The following NSMF variants were observed in gnomAD, a reference collection of about 807,000 sequenced individuals.
The protein encoded by NSMF is nasal embryonic LHRH factor.
In NSMF, 31 loss-of-function variants were observed where a neutral mutation model predicts 71.0. The ratio of observed to expected loss-of-function variants is 0.44; its 90% CI spans 0.33 to 0.59. NSMF has a LOEUF of 0.59. NSMF is among the 20% of genes least tolerant of loss of function. The pLI is 0.04. For synonymous variants in NSMF, 345 were observed against 287.1 expected (o/e 1.20, Z -2.04); for missense variants, 673 against 740.5 (o/e 0.91, Z 1.06).
At chr9:137,454,345 G>A (rs1433512921) in intron 7 of NSMF, 46 bp downstream of exon 7, 1 of 1,530,796 alleles carries the variant, frequency 6.5e-7, no homozygotes, top group Non-Finnish European at 8.8e-7. Context: ...GCCCCAACCA[G>A]CCAAGCGCAA....
In NSMF at chr9:137,459,141, G is replaced by T. The variant is rs1300396897; in HGVS notation, c.-39C>A. 2 of 1,074,970 alleles carry T rather than the reference G, an allele frequency of 1.9e-6. No homozygotes were observed. Among genetic ancestry groups the T allele is most frequent in the African/African-American group, 1.7e-5 (1 of 58,790 alleles). 66.6% of individuals were successfully genotyped at this position (1,074,970 alleles called of 1,614,324 possible). A position where few individuals can be genotyped will look rare whatever the true frequency, so the allele number is the denominator to read the frequency against. On this transcript the variant is annotated 5_prime_UTR_variant, in exon 1 of 16. Coordinates refer to ENST00000371475, the MANE Select transcript of NSMF (RefSeq NM_001130969.3). ...GCGCATCCCCCGGGCCTCAGAGCGC[G>T]CCCCGCGCCCGCCGCCTCCGCCGGG...
Position 137,458,472 on chromosome 9 carries a change from C to T in NSMF, c.133+16G>A, listed in dbSNP as rs747658570. 3.6e-5 allele frequency: 57 copies of T among 1,570,822 alleles called. No homozygotes were observed. Among genetic ancestry groups the T allele is most frequent in the South Asian group, 4.6e-5 (4 of 86,392 alleles). On this transcript the variant is annotated intron_variant, in intron 2 of 15. Coordinates refer to ENST00000371475, the MANE Select transcript of NSMF (RefSeq NM_001130969.3). ...GGGGGTCTGGGCGGCCCTGGCACGG[C>T]CTCGCGTGCCCCTACCTGCGCCGTT...
chr9:137,452,985 G>C, intron 9 of NSMF, 71 bp downstream of exon 9: 2 of 1,603,274 alleles, frequency 1.2e-6, no homozygotes, highest in Non-Finnish European at 1.7e-6. Flanking sequence ...CCCAGGCAGA[G>C]CTGGCTGGAC....
chr9:137,451,044 C>CCA, intron 12 of NSMF, among the ~76,000 whole-genome samples: 2 of 43,808 alleles, frequency 4.6e-5, no homozygotes, highest in Non-Finnish European at 9.0e-5. Context: ...GATCTCCCCT[C>CCA]CACGTCTCTT....
In NSMF at chr9:137,453,071, C is replaced by G. The variant is rs1272271210; in HGVS notation, c.1032G>C (p.Val344=). 6.2e-7 allele frequency: 1 copy of G among 1,612,530 alleles called. No individual in the cohort carries two copies. The highest frequency in any genetic ancestry group is 1.1e-5 in the South Asian group (1 of 91,082). ...EAVACDTEGF[V]PPKVMLISSK... is the part of the protein sequence containing the mutation. ...TGGGCCTCACCATGACCTTTGGTGGCACGAAGCCTTCGGTGTCGCAGGCCA... is the reference window on the plus strand; with the variant it reads ...TGGGCCTCACCATGACCTTTGGTGGGACGAAGCCTTCGGTGTCGCAGGCCA... Residue 344 remains valine (V), a synonymous_variant, in exon 9 of 16, where the codon GTG becomes GTC. Coordinates refer to ENST00000371475, the MANE Select transcript of NSMF (RefSeq NM_001130969.3). The surrounding 1 kb of genome is among the most constrained non-coding windows in gnomAD (Gnocchi z 4.5).
chr9:137,454,886 C>G, intron 6 of NSMF: 1 of 432,694 alleles, frequency 2.3e-6, no homozygotes, highest in Non-Finnish European at 3.1e-6. Context: ...TGAGCCACCT[C>G]AGGGGCAGGT....
At chr9:137,458,844 CTCGCGAGGGGA>C (rs1249290272) in intron 1 of NSMF, among the ~76,000 whole-genome samples, 177 bp downstream of exon 1, 1 of 152,074 alleles carries the variant, frequency 6.6e-6, no homozygotes, top group Non-Finnish European at 1.5e-5. Context: ...CCACCACGCG[CTCGCGAGGGGA>C]GGGGAGGGAA....
At chr9:137,458,873 G>A (rs1034220393) in intron 1 of NSMF, among the ~76,000 whole-genome samples, 159 bp downstream of exon 1, 2 of 152,278 alleles carry the variant, frequency 1.3e-5, no homozygotes, top group Non-Finnish European at 2.9e-5. Flanking sequence ...GAAGAGCAGG[G>A]CAGGGGACCA....
rs937847175 is a variant in NSMF, at chr9:137,448,637, G to C, written c.*757C>G. ...GCAATGAGAGTGCTGGGTGGGCTTG[G>C]GGGGATGGGGAGCAGGCCCCACCCA... On this transcript the variant is annotated 3_prime_UTR_variant, in exon 16 of 16. Transcript: ENST00000371475. The surrounding 1 kb of genome is among the most constrained non-coding windows in gnomAD (Gnocchi z 5.3). The C allele has an allele frequency of 3.9e-5, 6 of 154,120 alleles. No homozygotes were observed. The highest frequency in any genetic ancestry group is 1.4e-4 in the African/African-American group (6 of 41,460). The allele number at this position is 154,120 out of a possible 1,614,324, so 9.5% of individuals were successfully genotyped here.
chr9:137,450,480 G>A (rs1178953861), intron 12 of NSMF, among the ~76,000 whole-genome samples: 1 of 47,810 alleles, frequency 2.1e-5, no homozygotes, highest in African/African-American at 1.1e-4. Flanking sequence ...CCCACCACAT[G>A]CCTCTTCCCT....
chr9:137,453,935 G>A lies in NSMF; in HGVS notation c.833-115C>T. ...GCAGAGGAGGAAGCTAATGTGGGTG[G>A]GGTCTAAGGCACATGAAGCAGACAC... On this transcript the variant is annotated intron_variant, in intron 7 of 15. Coordinates refer to ENST00000371475, the MANE Select transcript of NSMF (RefSeq NM_001130969.3). This position sits in a 1 kb window ranked among gnomAD's most constrained non-coding sequence, Gnocchi z 4.5. 2.3e-6 allele frequency: 2 copies of A among 864,738 alleles called. No individual in the cohort carries two copies. The highest frequency in any genetic ancestry group is 2.7e-5 in the East Asian group (1 of 37,572). The allele number at this position is 864,738 out of a possible 1,614,324, so 53.6% of individuals were successfully genotyped here. A position where few individuals can be genotyped will look rare whatever the true frequency, so the allele number is the denominator to read the frequency against.
Position 137,449,998 on chromosome 9 carries a change from C to T in NSMF, c.1344G>A (p.Met448Ile). 6.2e-7 allele frequency: 1 copy of T among 1,613,108 alleles called. No homozygotes were observed. Among genetic ancestry groups the T allele is most frequent in the Non-Finnish European group, 8.5e-7 (1 of 1,179,908 alleles). ...CGTTCGGCTCTGGGTTCACTTTGCT[C>T]ATCAGGCGGCTCAGCCGCTTCCAGA... ...IHFWKRLSRL[M>I]SKVNPEPNVI... The change falls in exon 14 of 16, where the codon ATG becomes ATA. Residue 448 changes from methionine (M) to isoleucine (I), a missense_variant. Met to Ile is a conservative substitution (Grantham distance 10). Coordinates refer to ENST00000371475, the MANE Select transcript of NSMF (RefSeq NM_001130969.3).
Position 137,459,045 on chromosome 9 carries a change from C to T in NSMF, c.58G>A (p.Ala20Thr). The T allele has an allele frequency of 7.8e-7, 1 of 1,289,886 alleles. No homozygotes were observed. Among genetic ancestry groups the T allele is most frequent in the South Asian group, 2.4e-5 (1 of 41,388 alleles). 79.9% of individuals were successfully genotyped at this position (1,289,886 alleles called of 1,614,324 possible). The change falls in exon 1 of 16, where the codon GCG becomes ACG. Residue 20 changes from alanine (A) to threonine (T), a missense_variant. Around this residue, in one of 2 missense-constraint regions of NSMF, gnomAD observed 471 missense variants for 459.6 expected, o/e 1.02. Coordinates refer to ENST00000371475, the MANE Select transcript of NSMF (RefSeq NM_001130969.3). ...CGCCGCACTCACCGCACTTTGGCCGCCACCGAGGACATGGCCTCGCTCCTC... is the reference window on the plus strand; with the variant it reads ...CGCCGCACTCACCGCACTTTGGCCGTCACCGAGGACATGGCCTCGCTCCTC... ...ALRSEAMSSV[A>T]AKVRAARAFG... is the part of the protein sequence containing the mutation.
At chr9:137,449,779 C>A in intron 14 of NSMF, 105 bp from the exon 15 acceptor site, 1 of 1,315,402 alleles carries the variant, frequency 7.6e-7, no homozygotes, top group Non-Finnish European at 1.1e-6. Flanking sequence ...ACCCCCCAAA[C>A]CTGGCTGGGC....
At chr9:137,455,660 C>A (rs1261132687) in intron 4 of NSMF, 26 bp from the exon 5 acceptor site, 6 of 1,550,336 alleles carry the variant, frequency 3.9e-6, no homozygotes, top group South Asian at 1.2e-5. Context: ...GAAGGGATGG[C>A]GTGAGAGAGA....
At position 137,457,621 on chromosome 9, in the gene NSMF, G is replaced by A. The variant is rs770771048; in HGVS notation, c.414C>T (p.Pro138=). ...RQRHPHHHSQ[P]LRASPGGSRE... ...GGCTGCCACCAGGGCTGGCGCGCAG[G>A]GGCTGGCTGTGATGGTGAGGGTGCC... The change falls in exon 3 of 16, where the codon CCC becomes CCT. Residue 138 remains proline, a synonymous_variant. Transcript: ENST00000371475. The A allele has an allele frequency of 3.2e-6, 5 of 1,550,230 alleles. No homozygotes were observed. The highest frequency in any genetic ancestry group is 1.7e-4 in the Middle Eastern group (1 of 5,838).
chr9:137,453,987 G>C lies in NSMF; in HGVS notation c.833-167C>G, dbSNP rs1391991446. The stretch of plus-strand genomic sequence containing the variant: ...GACCAGAGGCTCGGTTGGTTCAGGG[G>C]CAGGATCTGAGAACACTGGGGCAGG... On this transcript the variant is annotated intron_variant, in intron 7 of 15. Transcript: ENST00000371475. This position sits in a 1 kb window ranked among gnomAD's most constrained non-coding sequence, Gnocchi z 4.5. Among the ~76,000 whole-genome samples the C allele has an allele frequency of 6.6e-6, 1 of 151,990 alleles. No homozygotes were observed.
rs1390902811 is a variant in NSMF, at chr9:137,450,269, T to C, written c.1237-14A>G. On this transcript the variant is annotated splice_polypyrimidine_tract_variant and intron_variant, in intron 12 of 15. Transcript: ENST00000371475. ...TCCAGGACCTCCCTGTAAGAAGCTG[T>C]GGTCAGGCATCTGCTCCTCCTTCCT... 3 of 1,607,468 alleles carry C rather than the reference T, an allele frequency of 1.9e-6. No individual in the cohort carries two copies. The highest frequency in any genetic ancestry group is 2.7e-5 in the African/African-American group (2 of 74,760).
chr9:137,455,215 T>C, intron 6 of NSMF, 24 bp downstream of exon 6: 2 of 1,611,624 alleles, frequency 1.2e-6, no homozygotes, highest in Non-Finnish European at 1.7e-6. Flanking sequence ...TGGACCCTGG[T>C]GGCGAGTGGC....
Sources: gnomAD v4.1 joint callset for allele counts (sites outside exome capture counted in the v4.1 genomes callset) on GRCh38, gnomAD v4.1.1 for gene constraint, gnomAD v4.1.1 regional missense constraint, Gnocchi (gnomAD v3.1) non-coding constraint, MANE v1.5 for transcripts, NCBI Gene and HGNC (gene_info 2026-07-23, HGNC 2026-07-21) for gene names.